STK33: variants seen among roughly 807,000 people sequenced by gnomAD.
STK33 encodes the protein serine/threonine kinase 33, also known as serine/threonine-protein kinase 33.
In STK33, 52 loss-of-function variants were observed where a neutral mutation model predicts 58.0. That is an observed-to-expected ratio of 0.90 (90% confidence interval 0.72 to 1.13). The LOEUF (loss-of-function observed/expected upper bound fraction) is 1.13, where lower values mean the gene tolerates loss of function less well. Among genes scored for constraint, STK33 ranks in the 50% most tolerant of loss-of-function variants. The pLI, the probability that STK33 is intolerant of heterozygous loss-of-function variation, is 0.00. For synonymous variants in STK33, 215 were observed against 200.1 expected (o/e 1.07, Z -0.63); for missense variants, 630 against 604.2 (o/e 1.04, Z -0.45).
chr11:8,445,772 T>C (rs1195911590), intron 11 of STK33, among the ~76,000 whole-genome samples: 1 of 152,220 alleles, frequency 6.6e-6, no homozygotes, highest in African/African-American at 2.4e-5. Flanking sequence ...TGCTGTTGGA[T>C]TCAGTTTGCC....
chr11:8,501,692 C>T (rs151088076), intron 1 of STK33, among the ~76,000 whole-genome samples: 111 of 152,150 alleles, frequency 7.3e-4, no homozygotes, highest in African/African-American at 2.6e-3. Context: ...ACTCTTAGAT[C>T]CAAGATAATT....
chr11:8,457,328 A>G lies in STK33; in HGVS notation c.697+13T>C. 6.5e-7 allele frequency: 1 copy of G among 1,547,422 alleles called. No individual in the cohort carries two copies. The highest frequency in any genetic ancestry group is 8.8e-7 in the Non-Finnish European group (1 of 1,134,288). ...ATTCATGGGGTCAATGAGCTGGATA[A>G]CCCTCTTCTTACCATTATTGTGAAG... On this transcript the variant is annotated intron_variant, in intron 9 of 15. Transcript: ENST00000687296.
intron 1 of STK33, among the ~76,000 whole-genome samples, chr11:8,589,257 T>G (rs972935191): frequency 7.3e-5 from 11 of 151,622 alleles, no homozygotes; most frequent in Admixed American, 7.2e-4. Context: ...AAAAAGAAAA[T>G]AACCCAAATG....
chr11:8,344,226 CA>C, the STK33 span, among the ~76,000 whole-genome samples: 1 of 151,868 alleles, frequency 6.6e-6, no homozygotes, highest in South Asian at 2.1e-4. Context: ...CACACACACA[CA>C]CACCCCAGTT....
intron 15 of STK33, among the ~76,000 whole-genome samples, chr11:8,395,912 G>A (rs1234719248): frequency 6.6e-6 from 1 of 152,124 alleles, no homozygotes; most frequent in Non-Finnish European, 1.5e-5. Context: ...AATCTTACCA[G>A]TAGCATACAA....
chr11:8,347,175 C>T, the STK33 span, among the ~76,000 whole-genome samples: 1 of 152,194 alleles, frequency 6.6e-6, no homozygotes, highest in African/African-American at 2.4e-5. Context: ...CATTCAACTT[C>T]CTACTTCCTA....
chr11:8,499,487 T>G lies in STK33; in HGVS notation c.-465-18873A>C, dbSNP rs1422565536. Among the ~76,000 whole-genome samples the G allele has an allele frequency of 3.3e-5, 5 of 152,284 alleles. No homozygotes were observed. The Middle Eastern group carries it at 0.01, about 311-fold the overall frequency. On this transcript the variant is annotated intron_variant, in intron 1 of 15. Coordinates refer to ENST00000687296, the MANE Select transcript of STK33 (RefSeq NM_001352389.2). ...CACTGTTGGTGGGACTGTAAATTAG[T>G]TCAACCATTGTGGAAGACAGAGTGG...
chr11:8,413,424 GC>G (rs1940615969), intron 15 of STK33, 70 bp downstream of exon 15: 2 of 1,505,474 alleles, frequency 1.3e-6, no homozygotes, highest in South Asian at 1.2e-5. Context: ...AGACAGATTT[GC>G]AAAAAAAATG....
chr11:8,509,965 G>A (rs894393409), intron 1 of STK33, among the ~76,000 whole-genome samples: 8 of 152,102 alleles, frequency 5.3e-5, no homozygotes, highest in Non-Finnish European at 1.0e-4. Flanking sequence ...TGCTATAAAC[G>A]TGTGTGCATG....
At position 8,452,975 on chromosome 11, in the gene STK33, A is replaced by G. The variant is rs577574140; in HGVS notation, c.787-69T>C. 4.6e-6 allele frequency: 6 copies of G among 1,315,334 alleles called. No individual in the cohort carries two copies. The Admixed American group carries it at 1.0e-4, about 23-fold the overall frequency. 81.5% of individuals were successfully genotyped at this position (1,315,334 alleles called of 1,614,324 possible). On this transcript the variant is annotated intron_variant, in intron 10 of 15. Coordinates refer to ENST00000687296, the MANE Select transcript of STK33 (RefSeq NM_001352389.2). ...AGAGCTCACTCATTCTGAAGATAAG[A>G]CTTCACATTGAATTTGCATTGAATT...
At chr11:8,444,619 A>G (rs1945184441) in intron 11 of STK33, among the ~76,000 whole-genome samples, 1 of 152,214 alleles carries the variant, frequency 6.6e-6, no homozygotes, top group Non-Finnish European at 1.5e-5. Flanking sequence ...AACCACAGGT[A>G]CACAGGAGAA....
At chr11:8,490,969 A>T (rs1950566959) in intron 1 of STK33, among the ~76,000 whole-genome samples, 1 of 152,176 alleles carries the variant, frequency 6.6e-6, no homozygotes, top group African/African-American at 2.4e-5. Flanking sequence ...GTAGATAAAA[A>T]CCACAAAGAT....
chr11:8,452,134 C>T (rs190085155), intron 11 of STK33, among the ~76,000 whole-genome samples: 17 of 152,028 alleles, frequency 1.1e-4, no homozygotes, highest in Admixed American at 8.5e-4. Context: ...ACCCAGGAGG[C>T]GGAGGTTGCA....
intron 1 of STK33, among the ~76,000 whole-genome samples, chr11:8,499,171 G>A (rs747144416): frequency 6.6e-6 from 1 of 152,122 alleles, no homozygotes; most frequent in Non-Finnish European, 1.5e-5. Context: ...GAAAATTTTT[G>A]CAATCTACCT....
At chr11:8,432,332 A>T (rs983391508) in intron 14 of STK33, among the ~76,000 whole-genome samples, 1 of 152,212 alleles carries the variant, frequency 6.6e-6, no homozygotes, top group African/African-American at 2.4e-5. Context: ...AATAAGAAGC[A>T]ATTAACTCCT....
chr11:8,594,197 C>T lies in STK33; in HGVS notation c.-580G>A, dbSNP rs776538719. ...TTCAGCCCGCAGAGCAACCGCAGGG[C>T]AGTGGACGGGGGCCGCGCGAGGACA... On this transcript the variant is annotated 5_prime_UTR_variant, in exon 1 of 16. Coordinates refer to ENST00000687296, the MANE Select transcript of STK33 (RefSeq NM_001352389.2). 6.6e-6 allele frequency: 1 copy of T among 152,334 alleles called. No homozygotes were observed. The highest frequency in any genetic ancestry group is 1.5e-5 in the Non-Finnish European group (1 of 68,130). The allele number at this position is 152,334 out of a possible 1,614,324, so 9.4% of individuals were successfully genotyped here.
intron 15 of STK33, among the ~76,000 whole-genome samples, chr11:8,407,449 T>C (rs1275622993): frequency 1.3e-5 from 2 of 152,138 alleles, no homozygotes; most frequent in African/African-American, 4.8e-5. Context: ...AATTAGACAG[T>C]GAAATCATTT....
At chr11:8,349,381 C>G in the STK33 span, among the ~76,000 whole-genome samples, 2 of 152,182 alleles carry the variant, frequency 1.3e-5, no homozygotes, top group African/African-American at 2.4e-5. Flanking sequence ...CCAGGCCTGC[C>G]TAGTATAGAG....
intron 1 of STK33, among the ~76,000 whole-genome samples, chr11:8,538,843 T>C (rs1398104718): frequency 6.6e-6 from 1 of 152,200 alleles, no homozygotes; most frequent in Non-Finnish European, 1.5e-5. Flanking sequence ...TATGGAGCTA[T>C]GATCTTCTAA....
Sources: gnomAD v4.1 joint callset for allele counts (sites outside exome capture counted in the v4.1 genomes callset) on GRCh38, gnomAD v4.1.1 for gene constraint, MANE v1.5 for transcripts, NCBI Gene and HGNC (gene_info 2026-07-23, HGNC 2026-07-21) for gene names.